PCDH15: variants seen among roughly 807,000 people sequenced by gnomAD.
The protein encoded by PCDH15 is protocadherin-15.
PCDH15 carries 129 observed loss-of-function variants against 178.5 expected under a neutral mutation model. The ratio of observed to expected loss-of-function variants is 0.72; its 90% CI spans 0.63 to 0.84. The LOEUF (loss-of-function observed/expected upper bound fraction) is 0.84, where lower values mean the gene tolerates loss of function less well. PCDH15 is among the 40% of genes least tolerant of loss of function. The pLI is 0.00. For missense variants in PCDH15, 2,230 were observed against 2,099.9 expected (o/e 1.06, Z -1.21); for synonymous variants, 800 against 732.0 (o/e 1.09, Z -1.50).
chr10:54,128,737 C>T (rs954262673), intron 15 of PCDH15, among the ~76,000 whole-genome samples: 16 of 152,092 alleles, frequency 1.1e-4, no homozygotes, highest in African/African-American at 3.9e-4. Flanking sequence ...ATAACTTTTG[C>T]TCAATTGTGC....
At chr10:54,289,578 G>A (rs1166476403) in intron 8 of PCDH15, among the ~76,000 whole-genome samples, 2 of 152,208 alleles carry the variant, frequency 1.3e-5, no homozygotes, top group East Asian at 1.9e-4. Context: ...GCTTCAGAAG[G>A]TCAGTAATAA....
chr10:55,134,870 C>T (rs1214269683), intron 2 of PCDH15, among the ~76,000 whole-genome samples: 4 of 152,092 alleles, frequency 2.6e-5, no homozygotes, highest in African/African-American at 9.7e-5. Context: ...GATAGGATTT[C>T]TCCAGGTATG....
chr10:54,248,372 T>C (rs1334533396), intron 8 of PCDH15, among the ~76,000 whole-genome samples: 1 of 152,072 alleles, frequency 6.6e-6, no homozygotes, highest in Non-Finnish European at 1.5e-5. Flanking sequence ...TTTTGATTTA[T>C]TTAAAGGTAA....
intron 3 of PCDH15, among the ~76,000 whole-genome samples, chr10:54,512,942 GTA>G (rs1565465499): frequency 1.3e-5 from 2 of 151,970 alleles, no homozygotes; most frequent in Admixed American, 6.6e-5. Context: ...GAATTAGACA[GTA>G]TTTTTACACA....
intron 2 of PCDH15, among the ~76,000 whole-genome samples, chr10:55,102,015 TTTTAA>T (rs1842586627): frequency 6.6e-6 from 1 of 151,978 alleles, no homozygotes; most frequent in African/African-American, 2.4e-5. Flanking sequence ...TTTTCTATTC[TTTTAA>T]TTTTATTTTC....
chr10:53,825,897 T>C (rs2076646133), intron 32 of PCDH15, among the ~76,000 whole-genome samples: 1 of 151,540 alleles, frequency 6.6e-6, no homozygotes. Context: ...CAAGTAAAAA[T>C]AATCTTAGGT....
At chr10:55,135,574 CTTTTTTTTTTT>C (rs56956557) in intron 2 of PCDH15, among the ~76,000 whole-genome samples, 1 of 68,220 alleles carries the variant, frequency 1.5e-5, no homozygotes, top group Admixed American at 2.0e-4. Flanking sequence ...TCTTTTCTTT[CTTTTTTTTTTT>C]TTTTTTTTTT....
At chr10:55,059,242 C>A (rs142470722) in intron 2 of PCDH15, among the ~76,000 whole-genome samples, 148 of 152,158 alleles carry the variant, frequency 9.7e-4, no homozygotes, top group African/African-American at 3.4e-3. Context: ...ACCTTCCTAC[C>A]AACCCATAAA....
At position 54,308,349 on chromosome 10, in the gene PCDH15, T is replaced by C. The variant is rs182241704; in HGVS notation, c.876+8922A>G. Among the ~76,000 whole-genome samples, 227 of 152,264 alleles carry C rather than the reference T, an allele frequency of 1.5e-3. 1 individual carries two copies. The highest frequency in any genetic ancestry group is 3.2e-3 in the African/African-American group (132 of 41,572). ...GAACAAACTCCTTAACAAGAAGAGT[T>C]AGACTTCATACTTGTTATTCAGCAG... On this transcript the variant is annotated intron_variant, in intron 8 of 37. Coordinates refer to ENST00000644397, the MANE Select transcript of PCDH15 (RefSeq NM_001384140.1).
At chr10:55,433,098 C>G (rs10159753) in intron 2 of PCDH15, among the ~76,000 whole-genome samples, 116,830 of 151,992 alleles carry the variant, frequency 0.77, 46,211 homozygotes, top group East Asian at 1. Context: ...TCATTATTCT[C>G]TATATACCCA....
At chr10:54,175,887 TATG>T (rs2047382536) in intron 13 of PCDH15, among the ~76,000 whole-genome samples, 1 of 152,164 alleles carries the variant, frequency 6.6e-6, no homozygotes, top group Non-Finnish European at 1.5e-5. Flanking sequence ...ATGATATAGG[TATG>T]ATAATTACCT....
intron 35 of PCDH15, among the ~76,000 whole-genome samples, 191 bp from the exon 36 acceptor site, chr10:53,811,810 T>C (rs2075874193): frequency 6.6e-6 from 1 of 152,198 alleles, no homozygotes; most frequent in Admixed American, 6.5e-5. Context: ...TTCATTTTTT[T>C]CTGGCTGTAA....
intron 1 of PCDH15, among the ~76,000 whole-genome samples, chr10:55,264,089 G>C (rs1488418624): frequency 6.6e-6 from 1 of 151,996 alleles, no homozygotes; most frequent in African/African-American, 2.4e-5. Context: ...TTTCTGATTG[G>C]GAAATTAATG....
At chr10:55,395,181 G>GTT (rs1257968782) in intron 2 of PCDH15, among the ~76,000 whole-genome samples, 1 of 84,916 alleles carries the variant, frequency 1.2e-5, no homozygotes, top group Admixed American at 1.2e-4. Flanking sequence ...GTGTGTGTGT[G>GTT]TGTGTGTGTG....
At chr10:54,166,763 AC>A (rs36009600) in intron 13 of PCDH15, among the ~76,000 whole-genome samples, 51,869 of 152,002 alleles carry the variant, frequency 0.34, 10,164 homozygotes, top group Non-Finnish European at 0.46. Context: ...CTGAAGAATC[AC>A]AAAAGAAGTG....
intron 2 of PCDH15, among the ~76,000 whole-genome samples, chr10:55,150,030 GATAA>G (rs1472129494): frequency 1.2e-4 from 17 of 145,462 alleles, no homozygotes; most frequent in Non-Finnish European, 2.0e-4. Flanking sequence ...GAGAGAGAGA[GATAA>G]AGAAGAGAAG....
At chr10:54,599,586 C>T (rs537713834) in intron 2 of PCDH15, 6 of 303,406 alleles carry the variant, frequency 2.0e-5, no homozygotes, top group African/African-American at 1.1e-4. Flanking sequence ...CTATTCTGAA[C>T]ATAAGATCTG....
intron 10 of PCDH15, among the ~76,000 whole-genome samples, chr10:54,198,801 T>C (rs1429849284): frequency 6.6e-6 from 1 of 152,100 alleles, no homozygotes; most frequent in African/African-American, 2.4e-5. Flanking sequence ...AACCAGCATG[T>C]CATATCCAGG....
At chr10:54,403,145 G>A (rs1199484861) in intron 3 of PCDH15, among the ~76,000 whole-genome samples, 1 of 152,084 alleles carries the variant, frequency 6.6e-6, no homozygotes, top group East Asian at 1.9e-4. Context: ...GATCTGAATA[G>A]AAGATCAAAC....
Sources: allele counts gnomAD v4.1 joint callset (sites outside exome capture counted in the v4.1 genomes callset), GRCh38; gene constraint gnomAD v4.1.1; transcripts MANE v1.5; gene names NCBI Gene and HGNC (gene_info 2026-07-23, HGNC 2026-07-21).